The following ADAMTS20 variants were observed in gnomAD, a reference collection of about 807,000 sequenced individuals.
ADAMTS20 encodes ADAM metallopeptidase with thrombospondin type 1 motif 20.
In ADAMTS20, 225 loss-of-function variants were observed where a neutral mutation model predicts 260.1. That is an observed-to-expected ratio of 0.87 (90% CI 0.78 to 0.97). The LOEUF (loss-of-function observed/expected upper bound fraction) is 0.97. ADAMTS20 is among the 50% of genes least tolerant of loss of function. The pLI is 0.00. For missense variants in ADAMTS20, 2,400 were observed against 2,337.7 expected (o/e 1.03, Z -0.55); for synonymous variants, 802 against 769.5 (o/e 1.04, Z -0.70).
chr12:43,532,022 A>G lies in ADAMTS20; in HGVS notation c.613+14T>C, dbSNP rs777903335. The G allele has an allele frequency of 4.0e-6, 6 of 1,484,346 alleles. No individual in the cohort carries two copies. Among genetic ancestry groups the G allele is most frequent in the South Asian group, 3.0e-5 (2 of 66,074 alleles). 91.9% of individuals were successfully genotyped at this position (1,484,346 alleles called of 1,614,324 possible). A position where few individuals can be genotyped will look rare whatever the true frequency, so the allele number is the denominator to read the frequency against. On this transcript the variant is annotated intron_variant, in intron 3 of 38. Transcript: ENST00000389420. ...TCACTATTTAGCTGAAAAGAGTTCT[A>G]TTTCACAGTTTACCTGACACACTGC...
In ADAMTS20 at chr12:43,534,138, A is replaced by C. The variant is rs1283179732; in HGVS notation, c.454-1943T>G. The stretch of plus-strand genomic sequence containing the variant: ...CAAAATTGACAAATGGGATCTAATT[A>C]AACTAAAGAGCTTCTGCACAGCAAA... On this transcript the variant is annotated intron_variant, in intron 2 of 38. Transcript: ENST00000389420. 4.0e-5 allele frequency among the ~76,000 whole-genome samples: 5 copies of C among 125,538 alleles called. 1 individual carries two copies. Among genetic ancestry groups the C allele is most frequent in the Non-Finnish European group, 6.7e-5 (4 of 59,824 alleles). The allele number at this position is 125,538 out of a possible 152,430, so 82.4% of individuals were successfully genotyped here. A position where few individuals can be genotyped will look rare whatever the true frequency, so the allele number is the denominator to read the frequency against.
chr12:43,482,551 G>C (rs905489811), intron 7 of ADAMTS20, among the ~76,000 whole-genome samples: 1 of 150,592 alleles, frequency 6.6e-6, no homozygotes, highest in African/African-American at 2.4e-5. Flanking sequence ...AGGCAGCTGT[G>C]CTCCTCCCCG....
intron 7 of ADAMTS20, among the ~76,000 whole-genome samples, chr12:43,470,534 C>T (rs913851546): frequency 1.3e-5 from 2 of 152,226 alleles, no homozygotes; most frequent in South Asian, 2.1e-4. Flanking sequence ...TGGTTTGTGT[C>T]TAGACTCATT....
chr12:43,480,731 A>C (rs969320727), intron 7 of ADAMTS20, among the ~76,000 whole-genome samples: 1 of 152,104 alleles, frequency 6.6e-6, no homozygotes, highest in African/African-American at 2.4e-5. Flanking sequence ...ACATGATCTC[A>C]TTTACATGGA....
chr12:43,526,040 T>C (rs562368175), intron 3 of ADAMTS20, among the ~76,000 whole-genome samples: 4 of 152,334 alleles, frequency 2.6e-5, no homozygotes, highest in African/African-American at 9.6e-5. Context: ...GTAAGATATA[T>C]GTACAGAATA....
rs533979169 is a variant in ADAMTS20, at chr12:43,435,103, T to C, written c.2594-732A>G. Among the ~76,000 whole-genome samples, 206 of 152,364 alleles carry C rather than the reference T, an allele frequency of 1.4e-3. 1 individual carries two copies. Among genetic ancestry groups the C allele is most frequent in the Non-Finnish European group, 2.2e-3 (151 of 68,042 alleles). ...GTATGATATTATATTGGTGAATACATGTCACTATACGTTTGTCAAACCATA... is the reference window on the plus strand; with the variant it reads ...GTATGATATTATATTGGTGAATACACGTCACTATACGTTTGTCAAACCATA... On this transcript the variant is annotated intron_variant, in intron 18 of 38. Coordinates refer to ENST00000389420, the MANE Select transcript of ADAMTS20 (RefSeq NM_025003.5).
chr12:43,544,779 C>T (rs1592118526), intron 2 of ADAMTS20, among the ~76,000 whole-genome samples: 1 of 152,162 alleles, frequency 6.6e-6, no homozygotes, highest in African/African-American at 2.4e-5. Flanking sequence ...TTTTGGTTAA[C>T]AGCCACAAGA....
intron 7 of ADAMTS20, among the ~76,000 whole-genome samples, chr12:43,475,685 C>T (rs200592777): frequency 0.23 from 33,482 of 147,114 alleles, 3,923 homozygotes; most frequent in South Asian, 0.38. Flanking sequence ...TCAGAAATAA[C>T]GCCGCATACC....
At chr12:43,386,313 C>A (rs547797329) in intron 29 of ADAMTS20, among the ~76,000 whole-genome samples, 4 of 152,068 alleles carry the variant, frequency 2.6e-5, no homozygotes, top group Non-Finnish European at 4.4e-5. Context: ...AATATCGGCC[C>A]CCACTCTCTT....
chr12:43,364,067 C>T (rs1438567613), intron 37 of ADAMTS20, among the ~76,000 whole-genome samples: 1 of 152,206 alleles, frequency 6.6e-6, no homozygotes, highest in South Asian at 2.1e-4. Flanking sequence ...CTATTGTTAT[C>T]CCTGAAGGAG....
At chr12:43,547,239 C>T (rs1382915230) in intron 2 of ADAMTS20, among the ~76,000 whole-genome samples, 1 of 152,028 alleles carries the variant, frequency 6.6e-6, no homozygotes, top group African/African-American at 2.4e-5. Flanking sequence ...TCTCTAAAAG[C>T]CACATTCGCT....
At chr12:43,529,867 GA>G (rs141184675) in intron 3 of ADAMTS20, among the ~76,000 whole-genome samples, 6,197 of 151,696 alleles carry the variant, frequency 0.041, 388 homozygotes, top group African/African-American at 0.14. Context: ...ACTGAGGGAG[GA>G]AAAAAATACC....
At chr12:43,356,804 G>A (rs558470845) in intron 37 of ADAMTS20, among the ~76,000 whole-genome samples, 8 of 152,100 alleles carry the variant, frequency 5.3e-5, no homozygotes, top group Admixed American at 4.6e-4. Flanking sequence ...TGTTCACGGG[G>A]ACCAACATTT....
chr12:43,537,180 C>G (rs1943307620), intron 2 of ADAMTS20, among the ~76,000 whole-genome samples: 1 of 152,044 alleles, frequency 6.6e-6, no homozygotes, highest in African/African-American at 2.4e-5. Context: ...AGCAATCCCC[C>G]CACCTCAGCC....
intron 21 of ADAMTS20, 85 bp downstream of exon 21, chr12:43,432,219 A>C: frequency 7.4e-7 from 1 of 1,355,478 alleles, no homozygotes; most frequent in Non-Finnish European, 1.0e-6. Flanking sequence ...AAATTTAAGC[A>C]CTTTTAAATT....
intron 11 of ADAMTS20, 44 bp from the exon 12 acceptor site, chr12:43,454,096 A>T: frequency 6.3e-7 from 1 of 1,583,536 alleles, no homozygotes; most frequent in African/African-American, 1.4e-5. Flanking sequence ...TGTGTCTCTA[A>T]TTAGAACATC....
chr12:43,372,008 C>G (rs1427097300), intron 36 of ADAMTS20, among the ~76,000 whole-genome samples: 1 of 152,090 alleles, frequency 6.6e-6, no homozygotes, highest in Non-Finnish European at 1.5e-5. Flanking sequence ...GCAGGTTTGG[C>G]AGGAAATGTT....
At chr12:43,415,226 G>A (rs1941106867) in intron 28 of ADAMTS20, among the ~76,000 whole-genome samples, 1 of 152,222 alleles carries the variant, frequency 6.6e-6, no homozygotes, top group Admixed American at 6.5e-5. Flanking sequence ...CGGGATGTGG[G>A]GGAATTTCTG....
intron 31 of ADAMTS20, among the ~76,000 whole-genome samples, chr12:43,380,449 G>C (rs148672044): frequency 9.2e-5 from 14 of 152,092 alleles, no homozygotes; most frequent in Non-Finnish European, 1.9e-4. Context: ...AATTGGACAA[G>C]GAAAGGTACA....
Sources: gnomAD v4.1 joint callset for allele counts (sites outside exome capture counted in the v4.1 genomes callset) on GRCh38, gnomAD v4.1.1 for gene constraint, MANE v1.5 for transcripts, NCBI Gene and HGNC (gene_info 2026-07-23, HGNC 2026-07-21) for gene names.